OPCML: variants seen among roughly 807,000 people sequenced by gnomAD.
OPCML encodes opioid binding protein/cell adhesion molecule like.
Under a neutral mutation model 37.8 loss-of-function variants are expected in OPCML, and 13 were observed. The observed-to-expected ratio is 0.34, with a 90% CI of 0.22 to 0.55. OPCML has a LOEUF of 0.55. OPCML is among the 20% of genes least tolerant of loss of function. OPCML has a pLI of 0.91. For synonymous variants in OPCML, 176 were observed against 168.8 expected, an observed-to-expected ratio of 1.04 and a Z score of -0.33; for missense variants, 341 against 435.6, an observed-to-expected ratio of 0.78 and a Z score of 1.93.
chr11:133,432,658 G>A (rs941116587), intron 1 of OPCML, among the ~76,000 whole-genome samples: 7 of 152,098 alleles, frequency 4.6e-5, no homozygotes, highest in Non-Finnish European at 2.9e-5. Flanking sequence ...CTTCAATTAG[G>A]CATATGTTAG....
intron 4 of OPCML, among the ~76,000 whole-genome samples, chr11:132,494,695 G>A (rs1186489713): frequency 1.3e-5 from 2 of 152,128 alleles, no homozygotes; most frequent in Non-Finnish European, 2.9e-5. Context: ...TGAGGACATG[G>A]CCATTCTGTA....
intron 4 of OPCML, among the ~76,000 whole-genome samples, chr11:132,494,583 A>T (rs954795465): frequency 6.6e-6 from 1 of 152,132 alleles, no homozygotes; most frequent in South Asian, 2.1e-4. Context: ...GCAGGCAAAA[A>T]TCTCAACAAT....
chr11:132,596,998 C>T (rs1418875852), intron 3 of OPCML, among the ~76,000 whole-genome samples: 1 of 152,174 alleles, frequency 6.6e-6, no homozygotes, highest in Admixed American at 6.5e-5. Context: ...CACCCCCAAC[C>T]TACTCCTTCT....
chr11:133,252,806 A>C (rs543792550), intron 1 of OPCML, among the ~76,000 whole-genome samples: 4 of 152,116 alleles, frequency 2.6e-5, no homozygotes, highest in Non-Finnish European at 5.9e-5. Flanking sequence ...CCCATGAAGC[A>C]CAACTAAAGA....
At chr11:133,197,145 T>C (rs1035464871) in intron 1 of OPCML, among the ~76,000 whole-genome samples, 1 of 152,216 alleles carries the variant, frequency 6.6e-6, no homozygotes, top group Non-Finnish European at 1.5e-5. Context: ...TTATACAATA[T>C]GGCATTTTAG....
At chr11:133,505,038 C>A (rs539429170) in intron 1 of OPCML, among the ~76,000 whole-genome samples, 2 of 152,202 alleles carry the variant, frequency 1.3e-5, no homozygotes, top group African/African-American at 4.8e-5. Flanking sequence ...AGCAGGCTTT[C>A]GGGCCATGCA....
At chr11:132,509,529 G>T (rs1166427774) in intron 4 of OPCML, among the ~76,000 whole-genome samples, 3 of 152,124 alleles carry the variant, frequency 2.0e-5, no homozygotes, top group Non-Finnish European at 4.4e-5. Context: ...TGTGGGCCAG[G>T]CCCAGGGTCC....
chr11:132,421,543 C>T (rs572088300), intron 7 of OPCML, among the ~76,000 whole-genome samples: 23 of 152,318 alleles, frequency 1.5e-4, no homozygotes, highest in African/African-American at 3.4e-4. Context: ...GGGAAAGTCA[C>T]GTCTCTCACT....
intron 3 of OPCML, among the ~76,000 whole-genome samples, chr11:132,552,779 T>TTTTTTTTTTTTTTTTTA (rs1436200909): frequency 6.9e-6 from 1 of 145,936 alleles, no homozygotes; most frequent in African/African-American, 2.6e-5. Context: ...TTTTTTTTTT[T>TTTTTTTTTTTTTTTTTA]GAGACCGAGT....
At chr11:133,501,872 G>A (rs772079305) in intron 1 of OPCML, among the ~76,000 whole-genome samples, 197 of 151,746 alleles carry the variant, frequency 1.3e-3, no homozygotes, top group Non-Finnish European at 1.0e-3. Flanking sequence ...CCTCCCCTCC[G>A]TCCTAATCCA....
intron 3 of OPCML, among the ~76,000 whole-genome samples, chr11:132,628,131 A>G (rs1461928590): frequency 1.3e-5 from 2 of 152,158 alleles, no homozygotes; most frequent in East Asian, 3.9e-4. Context: ...GAGAGGACAG[A>G]AGACAGGAGC....
chr11:132,561,000 T>C (rs1197070290), intron 3 of OPCML, among the ~76,000 whole-genome samples: 2 of 152,196 alleles, frequency 1.3e-5, no homozygotes, highest in African/African-American at 4.8e-5. Context: ...TAAGCCAGTG[T>C]CTAGAAGAGT....
intron 4 of OPCML, among the ~76,000 whole-genome samples, chr11:132,437,857 T>G (rs1232157743): frequency 6.6e-6 from 1 of 152,230 alleles, no homozygotes; most frequent in Non-Finnish European, 1.5e-5. Context: ...CATTCTACCC[T>G]TTAATATAAA....
At chr11:133,180,491 A>C (rs1937771892) in intron 1 of OPCML, among the ~76,000 whole-genome samples, 1 of 152,166 alleles carries the variant, frequency 6.6e-6, no homozygotes, top group African/African-American at 2.4e-5. Flanking sequence ...AGCTTCATGG[A>C]AACAGCCTGC....
At chr11:132,454,104 T>C (rs2096075376) in intron 4 of OPCML, among the ~76,000 whole-genome samples, 1 of 152,212 alleles carries the variant, frequency 6.6e-6, no homozygotes, top group Non-Finnish European at 1.5e-5. Flanking sequence ...GGGGGAAGGT[T>C]AAGAAACCAG....
At chr11:132,968,858 T>C (rs1946275290) in intron 1 of OPCML, among the ~76,000 whole-genome samples, 1 of 152,228 alleles carries the variant, frequency 6.6e-6, no homozygotes, top group Non-Finnish European at 1.5e-5. Flanking sequence ...CCTATTAATA[T>C]GCTTTTCTTC....
At chr11:133,169,948 G>T (rs1290141687) in intron 1 of OPCML, among the ~76,000 whole-genome samples, 3 of 152,082 alleles carry the variant, frequency 2.0e-5, no homozygotes, top group African/African-American at 7.2e-5. Context: ...GGGCTATGAA[G>T]AAGATCAAAG....
rs539690289 is a variant in OPCML at position 132,650,968 on chromosome 11, A to C, written c.379+6119T>G. Among the ~76,000 whole-genome samples, 76 of 152,230 alleles carry C rather than the reference A, an allele frequency of 5.0e-4. No individual in the cohort carries two copies. The South Asian group carries it at 0.016, about 32-fold the overall frequency. On this transcript the variant is annotated intron_variant, in intron 3 of 7. Coordinates refer to ENST00000524381, the MANE Select transcript of OPCML (RefSeq NM_001012393.5). ...GAAAAGAGGAGAAAATAGCCTAAAA[A>C]AAGAGATTGCTTACAAAGAGTTGAA...
intron 2 of OPCML, among the ~76,000 whole-genome samples, chr11:132,667,785 G>A (rs1256370663): frequency 6.6e-6 from 1 of 152,210 alleles, no homozygotes; most frequent in Non-Finnish European, 1.5e-5. Context: ...AACTATCGCA[G>A]AAAATGACAT....
Sources: allele counts gnomAD v4.1 joint callset (sites outside exome capture counted in the v4.1 genomes callset), GRCh38; gene constraint gnomAD v4.1.1; transcripts MANE v1.5; gene names NCBI Gene and HGNC (gene_info 2026-07-23, HGNC 2026-07-21).